The following N4BP2L1 variants were observed in gnomAD, a reference collection of about 807,000 sequenced individuals.
N4BP2L1 encodes the protein NEDD4-binding protein 2-like 1.
A neutral mutation model predicts 21.2 loss-of-function variants in N4BP2L1; 12 were observed. The observed-to-expected ratio is 0.57, with a 90% CI of 0.36 to 0.92. N4BP2L1 has a LOEUF of 0.92. Ranked by LOEUF, N4BP2L1 falls within the 40% of genes least tolerant of loss-of-function variation. The probability of loss-of-function intolerance (pLI) is 0.01; values close to 1 mark genes in which losing one functional copy is unlikely to be tolerated. For synonymous variants in N4BP2L1, 104 were observed against 112.8 expected (o/e 0.92, Z 0.49); for missense variants, 259 against 310.6 (o/e 0.83, Z 1.25).
intron 1 of N4BP2L1, among the ~76,000 whole-genome samples, chr13:32,415,792 G>A (rs934425897): frequency 1.7e-4 from 26 of 152,212 alleles, no homozygotes; most frequent in African/African-American, 2.6e-4. Flanking sequence ...TCATAATCAT[G>A]AACATTTTCT....
rs1159670525 is a variant in N4BP2L1, at chr13:32,400,898, TC to T, written c.*2043del. ...CATGGGAGTTGAAAAACAGATCACTTCTACAGGGGATAAAGTTGATGGCATT... is the reference window on the plus strand; with the variant it reads ...CATGGGAGTTGAAAAACAGATCACTTTACAGGGGATAAAGTTGATGGCATT... On this transcript the variant is annotated 3_prime_UTR_variant, in exon 5 of 5. Transcript: ENST00000380130. 16 of 152,220 alleles carry T rather than the reference TC, an allele frequency of 1.1e-4. No homozygotes were observed. 9.4% of individuals were successfully genotyped at this position (152,220 alleles called of 1,614,324 possible).
At chr13:32,427,793 C>T (rs1299474898) in intron 1 of N4BP2L1, 111 bp downstream of exon 1, 2 of 622,738 alleles carry the variant, frequency 3.2e-6, no homozygotes, top group Non-Finnish European at 2.2e-6. Context: ...GGCAGGCACC[C>T]GCGGCGGGGG....
chr13:32,406,428 A>G (rs1386234076), intron 3 of N4BP2L1: 1 of 152,180 alleles, frequency 6.6e-6, no homozygotes, highest in Admixed American at 6.5e-5. Flanking sequence ...TACCATCTCA[A>G]TAAGGTTACA....
At chr13:32,417,021 C>A (rs937868113) in intron 1 of N4BP2L1, among the ~76,000 whole-genome samples, 1 of 152,038 alleles carries the variant, frequency 6.6e-6, no homozygotes, top group African/African-American at 2.4e-5. Flanking sequence ...TTCCCCATCT[C>A]GGCCAGGCTG....
intron 1 of N4BP2L1, among the ~76,000 whole-genome samples, chr13:32,422,572 C>G (rs2074542869): frequency 6.6e-6 from 1 of 152,228 alleles, no homozygotes; most frequent in Non-Finnish European, 1.5e-5. Flanking sequence ...TGCCCCAGTT[C>G]AGCAGGGTCT....
chr13:32,419,475 T>A, intron 1 of N4BP2L1: 1 of 345,878 alleles, frequency 2.9e-6, no homozygotes, highest in Middle Eastern at 1.1e-3. Context: ...TTTCACTATG[T>A]TGGCTAGGCT....
At chr13:32,404,585 C>G (rs2073356611) in intron 3 of N4BP2L1, among the ~76,000 whole-genome samples, 188 bp from the exon 4 acceptor site, 1 of 149,680 alleles carries the variant, frequency 6.7e-6, no homozygotes, top group Non-Finnish European at 1.5e-5. Context: ...TCATAATTCT[C>G]CATGATAAAT....
chr13:32,425,299 C>T (rs2074702174), intron 1 of N4BP2L1: 1 of 152,326 alleles, frequency 6.6e-6, no homozygotes, highest in South Asian at 2.1e-4. Flanking sequence ...CTCCCTTCCG[C>T]TGAGCTGTGG....
chr13:32,414,070 C>T (rs568368066), intron 1 of N4BP2L1, among the ~76,000 whole-genome samples: 3 of 151,858 alleles, frequency 2.0e-5, no homozygotes, highest in South Asian at 2.1e-4. Context: ...TTAGTAGCAA[C>T]GAGGTTTCAC....
chr13:32,407,592 A>G (rs1238082745), intron 2 of N4BP2L1, 53 bp downstream of exon 2: 1 of 1,608,290 alleles, frequency 6.2e-7, no homozygotes, highest in Admixed American at 1.7e-5. Context: ...TGCAGCAGCT[A>G]CAATCTATGT....
In N4BP2L1 at chr13:32,402,833, T is replaced by C; in HGVS notation, c.*109A>G. 1 of 1,456,216 alleles carries C rather than the reference T, an allele frequency of 6.9e-7. No individual in the cohort carries two copies. The highest frequency in any genetic ancestry group is 9.1e-7 in the Non-Finnish European group (1 of 1,102,078). 90.2% of individuals were successfully genotyped at this position (1,456,216 alleles called of 1,614,324 possible). Reference sequence around the variant, plus strand: ...TGACTTTGCTCAGAAACTTTTGAGTTCAGCTATTTACACTGGAATTGGAGC... The same window carrying C: ...TGACTTTGCTCAGAAACTTTTGAGTCCAGCTATTTACACTGGAATTGGAGC... On this transcript the variant is annotated 3_prime_UTR_variant, in exon 5 of 5. Transcript: ENST00000380130.
intron 1 of N4BP2L1, among the ~76,000 whole-genome samples, chr13:32,413,238 T>G (rs1475949368): frequency 6.6e-6 from 1 of 152,198 alleles, no homozygotes; most frequent in East Asian, 1.9e-4. Context: ...ATGTTAGGTT[T>G]TTAAATTTAA....
At position 32,402,621 on chromosome 13, in the gene N4BP2L1, A is replaced by G. The variant is rs2073209891; in HGVS notation, c.*321T>C. 6 of 1,049,670 alleles carry G rather than the reference A, an allele frequency of 5.7e-6. No individual in the cohort carries two copies. The South Asian group carries it at 1.6e-4, about 28-fold the overall frequency. 65.0% of individuals were successfully genotyped at this position (1,049,670 alleles called of 1,614,324 possible). A position where few individuals can be genotyped will look rare whatever the true frequency, so the allele number is the denominator to read the frequency against. On this transcript the variant is annotated 3_prime_UTR_variant, in exon 5 of 5. Transcript: ENST00000380130. ...CAGAGCAAATGGTACTGAAGCTTATATATAATATAAACACTTTATTTCATC... is the reference window on the plus strand; with the variant it reads ...CAGAGCAAATGGTACTGAAGCTTATGTATAATATAAACACTTTATTTCATC...
At chr13:32,413,794 A>AAT (rs939594283) in intron 1 of N4BP2L1, among the ~76,000 whole-genome samples, 3 of 152,024 alleles carry the variant, frequency 2.0e-5, no homozygotes, top group Admixed American at 6.5e-5. Context: ...CAGGACTGGA[A>AAT]ATATATATAT....
At chr13:32,406,145 G>A (rs1337848821) in intron 3 of N4BP2L1, among the ~76,000 whole-genome samples, 1 of 151,196 alleles carries the variant, frequency 6.6e-6, no homozygotes, top group Non-Finnish European at 1.5e-5. Flanking sequence ...TCCTGACCTC[G>A]TGATCCACCC....
chr13:32,402,950 C>T lies in N4BP2L1; in HGVS notation c.724G>A (p.Gly242Arg). ...SYHRRGGCHH[G>R]Y ...GGCTGTAAGATAGGCCTCTAATATC[C>T]ATGGTGACAACCGCCCCTTCTGTGA... The change falls in exon 5 of 5, where the codon GGA (glycine) becomes AGA (arginine). Residue 242 changes from glycine to arginine, a missense_variant. Around this residue, in one of 3 missense-constraint regions of N4BP2L1, gnomAD observed 108 missense variants for 107.8 expected, o/e 1.00. Transcript: ENST00000380130. The T allele has an allele frequency of 6.3e-7, 1 of 1,599,744 alleles. No homozygotes were observed. The highest frequency in any genetic ancestry group is 2.2e-5 in the East Asian group (1 of 44,560).
chr13:32,420,498 T>A (rs1317709121), intron 1 of N4BP2L1: 1 of 152,230 alleles, frequency 6.6e-6, no homozygotes, highest in Non-Finnish European at 1.5e-5. Flanking sequence ...GGAAGGCGGC[T>A]GCATCTTTGA....
intron 1 of N4BP2L1, chr13:32,425,352 A>G (rs1276208640): frequency 6.6e-6 from 1 of 152,092 alleles, no homozygotes; most frequent in Admixed American, 6.6e-5. Context: ...ATAAACACAC[A>G]ATCCACCCCA....
chr13:32,413,379 T>C (rs2073964789), intron 1 of N4BP2L1, among the ~76,000 whole-genome samples: 1 of 152,258 alleles, frequency 6.6e-6, no homozygotes. Flanking sequence ...CTCTAGTTGG[T>C]ATGAGAATGT....
Sources: gnomAD v4.1 joint callset for allele counts (sites outside exome capture counted in the v4.1 genomes callset) on GRCh38, gnomAD v4.1.1 for gene constraint, gnomAD v4.1.1 regional missense constraint, MANE v1.5 for transcripts, NCBI Gene and HGNC (gene_info 2026-07-23, HGNC 2026-07-21) for gene names.